The following SPATA13 variants were observed in gnomAD, a reference collection of about 807,000 sequenced individuals.
The protein encoded by SPATA13 is spermatogenesis associated 13, also known as spermatogenesis-associated protein 13.
Under a neutral mutation model 104.0 loss-of-function variants are expected in SPATA13, and 50 were observed. The ratio of observed to expected loss-of-function variants is 0.48; its 90% CI spans 0.38 to 0.61. The LOEUF (loss-of-function observed/expected upper bound fraction) is 0.61. SPATA13 is among the 20% of genes least tolerant of loss of function. The pLI is 0.00. For synonymous variants in SPATA13, 606 were observed against 667.5 expected, an observed-to-expected ratio of 0.91 and a Z score of 1.42; for missense variants, 1,524 against 1,690.6, an observed-to-expected ratio of 0.90 and a Z score of 1.73.
intron 2 of SPATA13, among the ~76,000 whole-genome samples, chr13:23,995,989 T>A (rs770207524): frequency 5.3e-5 from 8 of 152,170 alleles, no homozygotes; most frequent in Non-Finnish European, 1.2e-4. Context: ...AGCAGATAGA[T>A]ATGGGACCTG....
intron 1 of SPATA13, among the ~76,000 whole-genome samples, chr13:24,216,457 T>C (rs1871264349): frequency 6.6e-6 from 1 of 152,226 alleles, no homozygotes; most frequent in Non-Finnish European, 1.5e-5. Context: ...AATTGACACC[T>C]TTCCAAAAGA....
At chr13:24,250,362 C>T (rs1194946084) in intron 3 of SPATA13, among the ~76,000 whole-genome samples, 1 of 152,002 alleles carries the variant, frequency 6.6e-6, no homozygotes, top group Non-Finnish European at 1.5e-5. Context: ...ACACTTAGTA[C>T]TGGTTTCTTA....
intron 3 of SPATA13, among the ~76,000 whole-genome samples, chr13:24,120,654 A>G (rs1881004445): frequency 6.6e-6 from 1 of 152,178 alleles, no homozygotes; most frequent in Admixed American, 6.5e-5. Context: ...TGAAGGTGAA[A>G]TATTAATGCT....
rs141594325 is a variant in SPATA13, at chr13:24,161,163, GGCACCATC to G, written c.-112+234_-112+241del. ...TGGCTCTGCGCCCTCTGGGCCACCC[GGCACCATC>G]GCTTTTGGGAGGACATGCACGTGGT... On this transcript the variant is annotated intron_variant, in intron 1 of 12. Coordinates refer to ENST00000382108, the MANE Select transcript of SPATA13 (RefSeq NM_001166271.3). This position sits in a 1 kb window ranked among gnomAD's most constrained non-coding sequence, Gnocchi z 4.5. 6.2e-3 allele frequency among the ~76,000 whole-genome samples: 937 copies of G among 152,016 alleles called. 2 individuals are homozygous for G. The highest frequency in any genetic ancestry group is 0.027 in the Middle Eastern group (8 of 294).
Position 24,205,626 on chromosome 13 carries a change from G to A in SPATA13, c.-111-17193G>A, listed in dbSNP as rs532327778. 4.6e-5 allele frequency among the ~76,000 whole-genome samples: 7 copies of A among 152,244 alleles called. No individual in the cohort carries two copies. In the South Asian group the frequency reaches 1.2e-3, roughly 27 times the overall value. On this transcript the variant is annotated intron_variant, in intron 1 of 12. Coordinates refer to ENST00000382108, the MANE Select transcript of SPATA13 (RefSeq NM_001166271.3). The surrounding 1 kb of genome is among the most constrained non-coding windows in gnomAD (Gnocchi z 4.1). ...ACCAAAAAAGAGCCTGAATAGTGAA[G>A]ACAATTCTAAGCAAAAAGAAGAAAG...
At chr13:24,288,911 G>T in intron 7 of SPATA13, 88 bp from the exon 8 acceptor site, 2 of 1,186,064 alleles carry the variant, frequency 1.7e-6, no homozygotes, top group Non-Finnish European at 2.3e-6. Flanking sequence ...TTCATTCCAA[G>T]TTCATGGCTT....
rs952770508 is a variant in SPATA13, at chr13:24,123,843, T to G, written c.-111-98976T>G. ...AATTACAAAGGCAGTGAAGGCCCAT[T>G]GGGGAATATACAGGAATGTTTAAAG... On this transcript the variant is annotated intron_variant, in intron 3 of 14. Coordinates refer to the SPATA13 transcript ENST00000424834. 192 of 761,482 alleles carry G rather than the reference T, an allele frequency of 2.5e-4. No homozygotes were observed. The African/African-American group carries it at 3.0e-3, about 12-fold the overall frequency. 47.2% of individuals were successfully genotyped at this position (761,482 alleles called of 1,614,324 possible).
At position 24,303,309 on chromosome 13, in the gene SPATA13, A is replaced by T; in HGVS notation, c.*536A>T. 2.8e-6 allele frequency: 1 copy of T among 351,072 alleles called. No homozygotes were observed. Among genetic ancestry groups the T allele is most frequent in the Middle Eastern group, 3.8e-4 (1 of 2,620 alleles). 21.7% of individuals were successfully genotyped at this position (351,072 alleles called of 1,614,324 possible). On this transcript the variant is annotated 3_prime_UTR_variant, in exon 13 of 13. Transcript: ENST00000382108. ...GGGACCTACAGCTGCCGTGGGGCTG[A>T]CCACGGTGTTCCCTGGCATCGTCTG...
At chr13:24,146,499 T>C (rs893896750) in intron 3 of SPATA13, among the ~76,000 whole-genome samples, 1 of 152,208 alleles carries the variant, frequency 6.6e-6, no homozygotes, top group Non-Finnish European at 1.5e-5. Context: ...GGGCGATACA[T>C]AACTAAGTAC....
Position 23,988,944 on chromosome 13 carries a change from T to A in SPATA13, c.-147+5011T>A, listed in dbSNP as rs140481145. Reference sequence around the variant, plus strand: ...GGGCTCTCCTATGAAACAGGAGCTTTGTCTGAGAATTAGTAAAACCTGCTT... The same window carrying A: ...GGGCTCTCCTATGAAACAGGAGCTTAGTCTGAGAATTAGTAAAACCTGCTT... On this transcript the variant is annotated intron_variant, in intron 2 of 14. Coordinates refer to the SPATA13 transcript ENST00000424834. Among the ~76,000 whole-genome samples, 21 of 152,258 alleles carry A rather than the reference T, an allele frequency of 1.4e-4. No homozygotes were observed. In the East Asian group the frequency reaches 4.1e-3, roughly 29 times the overall value.
At chr13:24,158,230 C>T (rs752864446), upstream of SPATA13, among the ~76,000 whole-genome samples, 5 of 152,096 alleles carry the variant, frequency 3.3e-5, no homozygotes, top group Non-Finnish European at 7.4e-5. Context: ...AAGAGGTCAC[C>T]GACCTTTGGA....
At chr13:24,069,444 T>C (rs1178876186) in intron 3 of SPATA13, among the ~76,000 whole-genome samples, 1 of 152,214 alleles carries the variant, frequency 6.6e-6, no homozygotes, top group African/African-American at 2.4e-5. Flanking sequence ...TATGTAAAAA[T>C]GCTAGTGATT....
chr13:24,015,140 C>G (rs925764090), intron 2 of SPATA13, among the ~76,000 whole-genome samples: 2 of 152,104 alleles, frequency 1.3e-5, no homozygotes, highest in African/African-American at 4.8e-5. Flanking sequence ...GATCTGCCTG[C>G]CTTGGCCTCC....
intron 2 of SPATA13, among the ~76,000 whole-genome samples, chr13:23,995,081 C>G (rs1025747065): frequency 1.3e-5 from 2 of 152,162 alleles, no homozygotes; most frequent in Non-Finnish European, 2.9e-5. Flanking sequence ...TCACCATACA[C>G]AGGACAGCCC....
At chr13:24,138,319 A>AAC (rs1555263890) in intron 3 of SPATA13, among the ~76,000 whole-genome samples, 69,751 of 150,090 alleles carry the variant, frequency 0.46, 17,310 homozygotes, top group Admixed American at 0.58. Context: ...AAAAAAAAAA[A>AAC]AACAGTTTTA....
intron 3 of SPATA13, among the ~76,000 whole-genome samples, chr13:24,038,086 T>A (rs959064970): frequency 2.0e-5 from 3 of 151,932 alleles, no homozygotes; most frequent in Non-Finnish European, 4.4e-5. Context: ...TAATTTTTTG[T>A]ATTTTTTTAG....
intron 4 of SPATA13, among the ~76,000 whole-genome samples, chr13:24,263,523 C>T (rs370904835): frequency 1.3e-4 from 20 of 152,266 alleles, no homozygotes; most frequent in East Asian, 7.7e-4. Flanking sequence ...TGCAAAAGTC[C>T]CTGATATAAA....
intron 4 of SPATA13, among the ~76,000 whole-genome samples, chr13:24,269,709 C>G (rs1023496765): frequency 6.6e-6 from 1 of 150,680 alleles, no homozygotes; most frequent in African/African-American, 2.4e-5. Context: ...GCTGGGACCA[C>G]AGGCACATGC....
intron 3 of SPATA13, among the ~76,000 whole-genome samples, chr13:24,120,043 G>C (rs558315654): frequency 5.9e-5 from 9 of 152,240 alleles, no homozygotes; most frequent in South Asian, 2.1e-4. Flanking sequence ...AATGGCCGTT[G>C]TTCCATTGAT....
Sources: gnomAD v4.1 joint callset for allele counts (sites outside exome capture counted in the v4.1 genomes callset) on GRCh38, gnomAD v4.1.1 for gene constraint, Gnocchi (gnomAD v3.1) non-coding constraint, MANE v1.5 for transcripts, NCBI Gene and HGNC (gene_info 2026-07-23, HGNC 2026-07-21) for gene names.